MAP2K6: variants seen among roughly 807,000 people sequenced by gnomAD.
The protein encoded by MAP2K6 is dual specificity mitogen-activated protein kinase kinase 6.
A neutral mutation model predicts 53.7 loss-of-function variants in MAP2K6; 16 were observed. The ratio of observed to expected loss-of-function variants is 0.30; its 90% CI spans 0.20 to 0.45. The LOEUF (loss-of-function observed/expected upper bound fraction) is 0.45, where lower values mean the gene tolerates loss of function less well. MAP2K6 is among the 20% of genes least tolerant of loss of function. The pLI is 1.00. For missense variants in MAP2K6, 204 were observed against 411.9 expected (o/e 0.50, Z 4.37); for synonymous variants, 132 against 143.1 (o/e 0.92, Z 0.55).
rs1910410415 is a variant in MAP2K6, at chr17:69,520,534, A to G, written c.483+148A>G. ...CATTTATTGGTGGATGGATAAATAC[A>G]TGCTTTCCTTTCTGAGCACTGTGTA... On this transcript the variant is annotated intron_variant, in intron 6 of 11. Transcript: ENST00000590474. 6.4e-6 allele frequency: 4 copies of G among 625,498 alleles called. No homozygotes were observed. In the East Asian group the frequency reaches 8.2e-5, roughly 13 times the overall value. 38.7% of individuals were successfully genotyped at this position (625,498 alleles called of 1,614,324 possible). A position where few individuals can be genotyped will look rare whatever the true frequency, so the allele number is the denominator to read the frequency against.
intron 10 of MAP2K6, among the ~76,000 whole-genome samples, chr17:69,535,111 G>T (rs185031669): frequency 6.6e-6 from 1 of 151,744 alleles, no homozygotes; most frequent in Admixed American, 6.6e-5. Flanking sequence ...TATTGCCTCC[G>T]GTATCAAATG....
rs2144878634 is a variant in MAP2K6 at position 69,542,843 on chromosome 17, C to T, written c.*1090C>T. The T allele has an allele frequency of 6.6e-6, 1 of 152,072 alleles. No individual in the cohort carries two copies. The highest frequency in any genetic ancestry group is 1.9e-4 in the East Asian group (1 of 5,180). 9.4% of individuals were successfully genotyped at this position (152,072 alleles called of 1,614,324 possible). A position where few individuals can be genotyped will look rare whatever the true frequency, so the allele number is the denominator to read the frequency against. On this transcript the variant is annotated 3_prime_UTR_variant, in exon 12 of 12. Coordinates refer to ENST00000590474, the MANE Select transcript of MAP2K6 (RefSeq NM_002758.4). ...TTTGTTTTCTTCTTCAGTGAAGCAG[C>T]CTTACTATTCATAGAAGGGCTAGAA...
intron 2 of MAP2K6, among the ~76,000 whole-genome samples, chr17:69,514,108 TA>T (rs35309500): frequency 0.46 from 66,660 of 144,144 alleles, 14,960 homozygotes; most frequent in East Asian, 0.52. Context: ...GACTCTGTCT[TA>T]AAAAAAAAAA....
chr17:69,466,658 G>A (rs17690015), intron 1 of MAP2K6, among the ~76,000 whole-genome samples: 25,055 of 152,226 alleles, frequency 0.16, 2,715 homozygotes, highest in Non-Finnish European at 0.23. Context: ...GGGAAATCCC[G>A]TGGCATTTTC....
At position 69,512,865 on chromosome 17, in the gene MAP2K6, G is replaced by A. The variant is rs143106546; in HGVS notation, c.84-3990G>A. On this transcript the variant is annotated intron_variant, in intron 2 of 11. Transcript: ENST00000590474. Reference sequence around the variant, plus strand: ...TTCTGAATCAATGAATAGTGATTGCGATAGTAACCAGTGAACTGATTCCTC... The same window carrying A: ...TTCTGAATCAATGAATAGTGATTGCAATAGTAACCAGTGAACTGATTCCTC... Among the ~76,000 whole-genome samples, 139 of 152,254 alleles carry A rather than the reference G, an allele frequency of 9.1e-4. 3 individuals carry two copies. The South Asian group carries it at 0.027, about 30-fold the overall frequency.
chr17:69,524,459 T>A (rs1239389613), intron 8 of MAP2K6, among the ~76,000 whole-genome samples: 1 of 150,466 alleles, frequency 6.6e-6, no homozygotes, highest in Non-Finnish European at 1.5e-5. Flanking sequence ...TACCTGGAAA[T>A]GGACTTGTGC....
intron 10 of MAP2K6, among the ~76,000 whole-genome samples, chr17:69,531,081 T>G (rs1427715042): frequency 6.6e-6 from 1 of 151,892 alleles, no homozygotes; most frequent in Non-Finnish European, 1.5e-5. Context: ...GAGCTCCATG[T>G]TTTTTATATT....
At chr17:69,444,494 G>A (rs764690150) in intron 1 of MAP2K6, among the ~76,000 whole-genome samples, 4 of 152,150 alleles carry the variant, frequency 2.6e-5, no homozygotes, top group Non-Finnish European at 4.4e-5. Flanking sequence ...GTGAAGCCCC[G>A]AAACATATCG....
intron 1 of MAP2K6, among the ~76,000 whole-genome samples, chr17:69,461,417 G>T (rs928541069): frequency 2.0e-5 from 3 of 152,218 alleles, no homozygotes; most frequent in Admixed American, 6.5e-5. Flanking sequence ...TTCTCCTTCA[G>T]CGGAGATTTA....
chr17:69,523,822 T>C (rs1910619778), intron 8 of MAP2K6, among the ~76,000 whole-genome samples, 181 bp downstream of exon 8: 1 of 152,222 alleles, frequency 6.6e-6, no homozygotes, highest in Non-Finnish European at 1.5e-5. Flanking sequence ...GCTTCGTATA[T>C]TGTCTTAGTT....
At chr17:69,509,854 T>G (rs970063837) in intron 2 of MAP2K6, among the ~76,000 whole-genome samples, 1 of 152,050 alleles carries the variant, frequency 6.6e-6, no homozygotes, top group Non-Finnish European at 1.5e-5. Context: ...TTGTTTTTGT[T>G]TTTTTGAGAC....
rs776919583 is a variant in MAP2K6 at position 69,516,840 on chromosome 17, C to T, written c.84-15C>T. On this transcript the variant is annotated splice_polypyrimidine_tract_variant and intron_variant, in intron 2 of 11. Transcript: ENST00000590474. Reference sequence around the variant, plus strand: ...AATAGCTTATGTTTCTTCTTTTCCCCCTTATCTTTCTTAGACCACCTCGAG... The same window carrying T: ...AATAGCTTATGTTTCTTCTTTTCCCTCTTATCTTTCTTAGACCACCTCGAG... 1.5e-5 allele frequency: 24 copies of T among 1,575,534 alleles called. No homozygotes were observed. The highest frequency in any genetic ancestry group is 2.7e-5 in the African/African-American group (2 of 74,026).
chr17:69,520,074 A>G (rs950308177), intron 5 of MAP2K6, 196 bp from the exon 6 acceptor site: 3 of 538,746 alleles, frequency 5.6e-6, no homozygotes. Context: ...TTGGCTACCT[A>G]CTGGTTTGCT....
chr17:69,536,605 A>G lies in MAP2K6; in HGVS notation c.927+445A>G, dbSNP rs140216062. Among the ~76,000 whole-genome samples, 3 of 152,194 alleles carry G rather than the reference A, an allele frequency of 2.0e-5. No homozygotes were observed. The South Asian group carries it at 6.2e-4, about 32-fold the overall frequency. ...ACTTTTTGGGGGGTAGCTAAGGAGGAAAAAAAATTTTGCTTTTTGTTTTCA... is the reference window on the plus strand; with the variant it reads ...ACTTTTTGGGGGGTAGCTAAGGAGGGAAAAAAATTTTGCTTTTTGTTTTCA... On this transcript the variant is annotated intron_variant, in intron 11 of 11. Transcript: ENST00000590474.
chr17:69,512,646 T>C (rs1454950214), intron 2 of MAP2K6, among the ~76,000 whole-genome samples: 1 of 152,166 alleles, frequency 6.6e-6, no homozygotes, highest in Non-Finnish European at 1.5e-5. Context: ...CTGAGTGTTC[T>C]TAAATTATTT....
At chr17:69,473,394 C>T (rs535241452) in intron 1 of MAP2K6, among the ~76,000 whole-genome samples, 1 of 152,096 alleles carries the variant, frequency 6.6e-6, no homozygotes, top group Non-Finnish European at 1.5e-5. Context: ...AATTCTATAT[C>T]TATGCAAGCA....
At chr17:69,502,954 T>C (rs1909246010) in intron 1 of MAP2K6, among the ~76,000 whole-genome samples, 1 of 152,254 alleles carries the variant, frequency 6.6e-6, no homozygotes. Flanking sequence ...AAAGGGGTTT[T>C]CTCAATAAAT....
chr17:69,449,609 CTTTTTTTTTTTTTTT>C (rs757595417), intron 1 of MAP2K6, among the ~76,000 whole-genome samples: 1 of 70,014 alleles, frequency 1.4e-5, no homozygotes, highest in Admixed American at 1.7e-4. Flanking sequence ...CTTTCTCTCT[CTTTTTTTTTTTTTTT>C]TTTTTTTTGA....
At chr17:69,510,396 T>A (rs1909752488) in intron 2 of MAP2K6, among the ~76,000 whole-genome samples, 1 of 152,170 alleles carries the variant, frequency 6.6e-6, no homozygotes, top group Non-Finnish European at 1.5e-5. Context: ...TTTTGGGAGA[T>A]GTTGGTCTGT....
Sources: gnomAD v4.1 joint callset for allele counts (sites outside exome capture counted in the v4.1 genomes callset) on GRCh38, gnomAD v4.1.1 for gene constraint, MANE v1.5 for transcripts, NCBI Gene and HGNC (gene_info 2026-07-23, HGNC 2026-07-21) for gene names.